Variants in CSMD3 observed in about 807,000 individuals in gnomAD.
CSMD3 encodes CUB and sushi domain-containing protein 3.
In CSMD3, 177 loss-of-function variants were observed where a neutral mutation model predicts 435.2. That is an observed-to-expected ratio of 0.41 (90% confidence interval 0.36 to 0.46). CSMD3 has a LOEUF of 0.46. Among genes scored for constraint, CSMD3 ranks in the 20% least tolerant of loss-of-function variants. The probability of loss-of-function intolerance (pLI) is 0.34; values close to 1 mark genes in which losing one functional copy is unlikely to be tolerated. For missense variants in CSMD3, 4,265 were observed against 4,504.6 expected (o/e 0.95, Z 1.52); for synonymous variants, 1,656 against 1,520.5 (o/e 1.09, Z -2.07).
At chr8:113,043,814 GA>G (rs898975138) in intron 5 of CSMD3, among the ~76,000 whole-genome samples, 11 of 148,578 alleles carry the variant, frequency 7.4e-5, no homozygotes, top group African/African-American at 1.7e-4. Flanking sequence ...CTTAATTTTG[GA>G]AAAAAAAATG....
intron 1 of CSMD3, among the ~76,000 whole-genome samples, chr8:113,414,282 T>C (rs1378913157): frequency 6.6e-6 from 1 of 152,196 alleles, no homozygotes; most frequent in Non-Finnish European, 1.5e-5. Flanking sequence ...ACAAATATTC[T>C]TTCTGTTAAA....
chr8:112,959,169 C>G (rs946193808), intron 7 of CSMD3, among the ~76,000 whole-genome samples: 2 of 151,924 alleles, frequency 1.3e-5, no homozygotes, highest in African/African-American at 4.8e-5. Flanking sequence ...AAGAAACAGA[C>G]ATGTTTAGTA....
At chr8:112,636,037 C>A (rs1243535936) in intron 22 of CSMD3, among the ~76,000 whole-genome samples, 1 of 152,032 alleles carries the variant, frequency 6.6e-6, no homozygotes, top group Non-Finnish European at 1.5e-5. Flanking sequence ...CTTATTCTAT[C>A]ATAAGATGTA....
intron 32 of CSMD3, among the ~76,000 whole-genome samples, chr8:112,433,496 A>T (rs1276530716): frequency 6.6e-6 from 1 of 151,822 alleles, no homozygotes; most frequent in East Asian, 1.9e-4. Flanking sequence ...TCTCTACCAA[A>T]AGTAAAATGA....
intron 32 of CSMD3, among the ~76,000 whole-genome samples, chr8:112,435,717 T>A (rs1358930614): frequency 6.6e-6 from 1 of 152,040 alleles, no homozygotes; most frequent in Non-Finnish European, 1.5e-5. Context: ...ATTTTTTAAC[T>A]TGTATACTTT....
chr8:112,422,038 T>C (rs1372087946), intron 32 of CSMD3, among the ~76,000 whole-genome samples: 1 of 152,100 alleles, frequency 6.6e-6, no homozygotes, highest in African/African-American at 2.4e-5. Context: ...GAATATGAAT[T>C]TATCTTAAGC....
At chr8:113,279,628 ATTTGT>A (rs1278826059) in intron 2 of CSMD3, among the ~76,000 whole-genome samples, 5 of 151,700 alleles carry the variant, frequency 3.3e-5, no homozygotes, top group East Asian at 3.9e-4. Context: ...GTAATGGGAG[ATTTGT>A]TTTGTTTTTT....
intron 13 of CSMD3, among the ~76,000 whole-genome samples, chr8:112,773,143 G>A (rs375428516): frequency 1.6e-4 from 25 of 151,694 alleles, no homozygotes; most frequent in African/African-American, 5.6e-4. Flanking sequence ...CAACCCACCC[G>A]TTCAAAAACA....
intron 62 of CSMD3, among the ~76,000 whole-genome samples, 190 bp downstream of exon 62, chr8:112,255,064 A>T (rs1268783272): frequency 6.6e-6 from 1 of 152,082 alleles, no homozygotes; most frequent in Non-Finnish European, 1.5e-5. Context: ...TTCTTCTGGA[A>T]GTTTAAAGTG....
chr8:113,183,527 G>T (rs2092453618), intron 3 of CSMD3, among the ~76,000 whole-genome samples: 1 of 151,736 alleles, frequency 6.6e-6, no homozygotes, highest in Non-Finnish European at 1.5e-5. Context: ...CCTGATCTTT[G>T]GCCCCAAGGC....
intron 32 of CSMD3, among the ~76,000 whole-genome samples, chr8:112,424,965 C>G (rs376898499): frequency 6.6e-6 from 1 of 152,220 alleles, no homozygotes; most frequent in African/African-American, 2.4e-5. Flanking sequence ...GCTGGGATTA[C>G]AGGCATGAGC....
At chr8:112,420,455 C>T (rs1406570949) in intron 32 of CSMD3, among the ~76,000 whole-genome samples, 1 of 152,032 alleles carries the variant, frequency 6.6e-6, no homozygotes, top group African/African-American at 2.4e-5. Flanking sequence ...ATTTCTTGTT[C>T]CGATTTCCCT....
intron 5 of CSMD3, among the ~76,000 whole-genome samples, chr8:113,054,335 G>A (rs554181925): frequency 6.6e-6 from 1 of 152,164 alleles, no homozygotes; most frequent in East Asian, 1.9e-4. Context: ...TCAGACTCAT[G>A]ACTACAAGTA....
chr8:112,242,973 A>T, intron 65 of CSMD3, among the ~76,000 whole-genome samples: 1 of 152,262 alleles, frequency 6.6e-6, no homozygotes, highest in South Asian at 2.1e-4. Context: ...CAATCAGTGT[A>T]TAAAGGAAAT....
At chr8:113,241,189 TAAG>T (rs1050338887) in intron 3 of CSMD3, among the ~76,000 whole-genome samples, 2 of 152,064 alleles carry the variant, frequency 1.3e-5, no homozygotes, top group Non-Finnish European at 2.9e-5. Flanking sequence ...TAATCTCAAA[TAAG>T]AATAACAAGA....
chr8:112,403,167 TG>T (rs1831484662), intron 35 of CSMD3, among the ~76,000 whole-genome samples: 1 of 152,134 alleles, frequency 6.6e-6, no homozygotes, highest in African/African-American at 2.4e-5. Flanking sequence ...GAAATGTAAT[TG>T]GGAAATAGCT....
intron 1 of CSMD3, among the ~76,000 whole-genome samples, chr8:113,402,104 C>A (rs1228101348): frequency 6.6e-6 from 1 of 151,474 alleles, no homozygotes; most frequent in Non-Finnish European, 1.5e-5. Context: ...GTCTTTGCTT[C>A]AGGGAGCTAG....
chr8:112,892,298 A>G (rs1027509017), intron 10 of CSMD3, among the ~76,000 whole-genome samples: 4 of 151,516 alleles, frequency 2.6e-5, no homozygotes, highest in African/African-American at 9.7e-5. Flanking sequence ...CAAAGATTGT[A>G]TATTCAATAA....
At chr8:113,405,944 T>C (rs2094530855) in intron 1 of CSMD3, among the ~76,000 whole-genome samples, 1 of 151,818 alleles carries the variant, frequency 6.6e-6, no homozygotes, top group Admixed American at 6.6e-5. Flanking sequence ...CAAGCTGTTT[T>C]ACGAGTTGCA....
Sources: allele counts gnomAD v4.1 joint callset (sites outside exome capture counted in the v4.1 genomes callset), GRCh38; gene constraint gnomAD v4.1.1; transcripts MANE v1.5; gene names NCBI Gene and HGNC (gene_info 2026-07-23, HGNC 2026-07-21).